Variants in CFAP61 observed in about 807,000 individuals in gnomAD.
The protein encoded by CFAP61 is cilia and flagella associated protein 61.
CFAP61 carries 107 observed loss-of-function variants against 135.6 expected under a neutral mutation model. The observed-to-expected ratio is 0.79, with a 90% CI of 0.67 to 0.93. The LOEUF (loss-of-function observed/expected upper bound fraction) is 0.93. Among genes scored for constraint, CFAP61 ranks in the 40% least tolerant of loss-of-function variants. The pLI, the probability that CFAP61 is intolerant of heterozygous loss-of-function variation, is 0.00. For synonymous variants in CFAP61, 575 were observed against 578.5 expected, an observed-to-expected ratio of 0.99 and a Z score of 0.09; for missense variants, 1,507 against 1,556.2, an observed-to-expected ratio of 0.97 and a Z score of 0.53.
chr20:20,335,145 C>T (rs1282547511), intron 25 of CFAP61, among the ~76,000 whole-genome samples: 1 of 152,164 alleles, frequency 6.6e-6, no homozygotes, highest in Non-Finnish European at 1.5e-5. Context: ...TTCCCACTGG[C>T]TTGGAGGTAG....
chr20:20,128,680 G>A (rs2050265427), intron 8 of CFAP61, among the ~76,000 whole-genome samples: 1 of 151,758 alleles, frequency 6.6e-6, no homozygotes, highest in South Asian at 2.1e-4. Flanking sequence ...CATCCGAGTT[G>A]AAGCTGCAAT....
intron 8 of CFAP61, among the ~76,000 whole-genome samples, chr20:20,131,925 G>T (rs1315043782): frequency 1.3e-5 from 2 of 151,730 alleles, no homozygotes; most frequent in Non-Finnish European, 2.9e-5. Flanking sequence ...GAATGTTCTT[G>T]TTTTTTTATT....
At chr20:20,331,823 G>A (rs772058940) in intron 25 of CFAP61, among the ~76,000 whole-genome samples, 1 of 152,046 alleles carries the variant, frequency 6.6e-6, no homozygotes, top group Non-Finnish European at 1.5e-5. Flanking sequence ...CTGAGTGGCC[G>A]CCTGGCCTAA....
chr20:20,090,801 A>T (rs2047138158), intron 6 of CFAP61, 43 bp from the exon 7 acceptor site: 1 of 1,607,402 alleles, frequency 6.2e-7, no homozygotes. Context: ...GAAGGAAAAA[A>T]ATGAGTGAAC....
intron 8 of CFAP61, among the ~76,000 whole-genome samples, chr20:20,134,337 T>A (rs544226439): frequency 6.6e-6 from 1 of 152,140 alleles, no homozygotes; most frequent in Non-Finnish European, 1.5e-5. Flanking sequence ...CCATGGCTTA[T>A]TGGGGGAAAG....
At chr20:20,081,267 G>C (rs987225457) in intron 6 of CFAP61, among the ~76,000 whole-genome samples, 1 of 152,102 alleles carries the variant, frequency 6.6e-6, no homozygotes, top group African/African-American at 2.4e-5. Flanking sequence ...ACTGACAAAG[G>C]CAAATTTCTA....
intron 12 of CFAP61, among the ~76,000 whole-genome samples, chr20:20,167,020 A>C (rs563109095): frequency 1.3e-5 from 2 of 152,316 alleles, no homozygotes; most frequent in African/African-American, 4.8e-5. Flanking sequence ...ATGAAGATCT[A>C]ACCAAACTCT....
intron 9 of CFAP61, among the ~76,000 whole-genome samples, chr20:20,156,150 A>G (rs6046666): frequency 0.38 from 57,518 of 151,944 alleles, 11,042 homozygotes; most frequent in Middle Eastern, 0.55. Flanking sequence ...CTGTTCTCCC[A>G]AAAATATTGA....
At chr20:20,256,671 G>A (rs1407291377) in intron 20 of CFAP61, among the ~76,000 whole-genome samples, 1 of 152,248 alleles carries the variant, frequency 6.6e-6, no homozygotes, top group African/African-American at 2.4e-5. Context: ...AAAGGGATAT[G>A]CTTGGTTCAG....
chr20:20,349,538 A>T (rs1041226165), intron 26 of CFAP61, among the ~76,000 whole-genome samples: 1 of 152,194 alleles, frequency 6.6e-6, no homozygotes, highest in Admixed American at 6.5e-5. Flanking sequence ...CACTTCCAGC[A>T]TTGGGGATCA....
At chr20:20,140,128 A>ATTT (rs3060428) in intron 8 of CFAP61, among the ~76,000 whole-genome samples, 1,827 of 97,212 alleles carry the variant, frequency 0.019, 54 homozygotes, top group South Asian at 0.047. Context: ...GGTGCTGGAA[A>ATTT]TTTTTTTTTT....
At chr20:20,290,980 GC>G (rs1158616405) in intron 24 of CFAP61, among the ~76,000 whole-genome samples, 10 of 152,120 alleles carry the variant, frequency 6.6e-5, no homozygotes, top group Admixed American at 2.6e-4. Flanking sequence ...ATTGTTTTAT[GC>G]CATTACTTTT....
intron 26 of CFAP61, among the ~76,000 whole-genome samples, chr20:20,344,013 G>A (rs556346969): frequency 6.6e-6 from 1 of 152,316 alleles, no homozygotes; most frequent in East Asian, 1.9e-4. Context: ...AGCCATTCTT[G>A]TGGGTCTTGT....
At chr20:20,149,532 C>T (rs990097563) in intron 9 of CFAP61, among the ~76,000 whole-genome samples, 2 of 152,182 alleles carry the variant, frequency 1.3e-5, no homozygotes, top group African/African-American at 4.8e-5. Flanking sequence ...CCTGTGAATT[C>T]CCAAAGTGTG....
chr20:20,062,737 G>T (rs994072508), intron 2 of CFAP61, among the ~76,000 whole-genome samples: 1 of 152,140 alleles, frequency 6.6e-6, no homozygotes, highest in Admixed American at 6.5e-5. Flanking sequence ...TAAATCCCTC[G>T]TGACTAGTTG....
At chr20:20,267,199 A>G (rs1046510445) in intron 21 of CFAP61, among the ~76,000 whole-genome samples, 1 of 151,982 alleles carries the variant, frequency 6.6e-6, no homozygotes, top group Non-Finnish European at 1.5e-5. Flanking sequence ...ACAGGATAAG[A>G]AGAGAGAGAG....
intron 25 of CFAP61, among the ~76,000 whole-genome samples, chr20:20,304,714 G>A (rs1160323395): frequency 4.6e-5 from 7 of 151,996 alleles, no homozygotes; most frequent in Non-Finnish European, 5.9e-5. Context: ...AGGACACCGG[G>A]CGCGAAAGGA....
At chr20:20,309,400 A>G (rs1216020047) in intron 25 of CFAP61, among the ~76,000 whole-genome samples, 1 of 152,106 alleles carries the variant, frequency 6.6e-6, no homozygotes, top group Non-Finnish European at 1.5e-5. Flanking sequence ...TCCTCCTAGA[A>G]ATAAGACCTG....
intron 17 of CFAP61, among the ~76,000 whole-genome samples, chr20:20,215,812 A>T (rs1012123013): frequency 7.9e-5 from 12 of 151,260 alleles, no homozygotes; most frequent in East Asian, 7.7e-4. Flanking sequence ...AGACCTATTT[A>T]TATATATATA....
Sources: allele counts gnomAD v4.1 joint callset (sites outside exome capture counted in the v4.1 genomes callset), GRCh38; gene constraint gnomAD v4.1.1; transcripts MANE v1.5; gene names NCBI Gene and HGNC (gene_info 2026-07-23, HGNC 2026-07-21).